KCNB2: variants seen among roughly 807,000 people sequenced by gnomAD.
The protein encoded by KCNB2 is potassium voltage-gated channel subfamily B member 2, also known as delayed rectifier potassium channel protein.
KCNB2 carries 15 observed loss-of-function variants against 61.5 expected under a neutral mutation model. The observed-to-expected ratio is 0.24, with a 90% CI of 0.16 to 0.38. The LOEUF (loss-of-function observed/expected upper bound fraction) is 0.38, where lower values mean the gene tolerates loss of function less well. KCNB2 is among the 10% of genes least tolerant of loss of function. The pLI, the probability that KCNB2 is intolerant of heterozygous loss-of-function variation, is 1.00. For synonymous variants in KCNB2, 457 were observed against 446.0 expected, an observed-to-expected ratio of 1.02 and a Z score of -0.31; for missense variants, 828 against 1,125.2, an observed-to-expected ratio of 0.74 and a Z score of 3.78.
At chr8:72,906,630 A>T (rs181006894) in intron 2 of KCNB2, among the ~76,000 whole-genome samples, 181 of 152,322 alleles carry the variant, frequency 1.2e-3, no homozygotes, top group Non-Finnish European at 2.0e-3. Context: ...AAAATAGAGA[A>T]TTGCATCGTA....
chr8:72,893,797 C>T (rs938767978), intron 2 of KCNB2, among the ~76,000 whole-genome samples: 1 of 152,074 alleles, frequency 6.6e-6, no homozygotes, highest in South Asian at 2.1e-4. Flanking sequence ...TGCTACATAG[C>T]CAGTGAACAG....
rs572580792 is a variant in KCNB2 at position 72,797,485 on chromosome 8, C to G, written c.580-138450C>G. ...GCTGCTCTCCCCACCCTAGAGGCCA[C>G]AAGAGTTTAGCTTTTACCTCCTGTC... On this transcript the variant is annotated intron_variant, in intron 2 of 2. Coordinates refer to ENST00000523207, the MANE Select transcript of KCNB2 (RefSeq NM_004770.3). Among the ~76,000 whole-genome samples the G allele has an allele frequency of 2.8e-4, 43 of 152,306 alleles. No individual in the cohort carries two copies. The East Asian group carries it at 7.7e-3, about 27-fold the overall frequency.
At chr8:72,750,402 T>C (rs1808168834) in intron 2 of KCNB2, 1 of 152,180 alleles carries the variant, frequency 6.6e-6, no homozygotes, top group African/African-American at 2.4e-5. Flanking sequence ...CTTATTATGC[T>C]CACCTGCACA....
intron 2 of KCNB2, among the ~76,000 whole-genome samples, chr8:72,919,646 C>A (rs543002745): frequency 6.6e-6 from 1 of 152,254 alleles, no homozygotes; most frequent in South Asian, 2.1e-4. Flanking sequence ...CTATCACTGA[C>A]AAACTGATTG....
Position 72,828,806 on chromosome 8 carries a change from C to T in KCNB2, c.580-107129C>T, listed in dbSNP as rs553885041. Among the ~76,000 whole-genome samples, 10 of 152,288 alleles carry T rather than the reference C, an allele frequency of 6.6e-5. No individual in the cohort carries two copies. In the South Asian group the frequency reaches 2.1e-3, roughly 32 times the overall value. ...TAAAAGTCCCAAAGTAAAACACACA[C>T]TAGTAGTAAGGCTAGTGCATTTCCC... On this transcript the variant is annotated intron_variant, in intron 2 of 2. Transcript: ENST00000523207.
chr8:72,874,415 G>C (rs1263616594), intron 2 of KCNB2, among the ~76,000 whole-genome samples: 1 of 152,128 alleles, frequency 6.6e-6, no homozygotes, highest in Non-Finnish European at 1.5e-5. Context: ...GGATTCACCA[G>C]CTGCAGCATC....
At chr8:72,788,271 G>A (rs986517734) in intron 2 of KCNB2, among the ~76,000 whole-genome samples, 21 of 152,278 alleles carry the variant, frequency 1.4e-4, no homozygotes, top group African/African-American at 4.1e-4. Flanking sequence ...ATTCTGGAGG[G>A]TGGAAGTCCA....
At chr8:72,909,907 G>A (rs1301657022) in intron 2 of KCNB2, among the ~76,000 whole-genome samples, 1 of 152,132 alleles carries the variant, frequency 6.6e-6, no homozygotes, top group Admixed American at 6.5e-5. Context: ...TTTGAGGTAT[G>A]TTTGAGTGAA....
At chr8:72,585,566 C>T (rs568243124) in intron 2 of KCNB2, among the ~76,000 whole-genome samples, 10 of 152,180 alleles carry the variant, frequency 6.6e-5, no homozygotes, top group Non-Finnish European at 1.2e-4. Flanking sequence ...CAGGGTCTCT[C>T]TATGTTACTC....
intron 2 of KCNB2, among the ~76,000 whole-genome samples, chr8:72,838,194 C>T (rs183151267): frequency 6.6e-6 from 1 of 152,140 alleles, no homozygotes; most frequent in Admixed American, 6.5e-5. Context: ...GTATATGTGC[C>T]ATGTTGGTTT....
chr8:72,561,803 A>ATATATT (rs2128978391), intron 1 of KCNB2, among the ~76,000 whole-genome samples: 1 of 125,836 alleles, frequency 7.9e-6, no homozygotes, highest in Non-Finnish European at 1.6e-5. Flanking sequence ...ATATATATAT[A>ATATATT]TGAATGATAG....
At chr8:72,737,813 C>T (rs2128994182) in intron 2 of KCNB2, among the ~76,000 whole-genome samples, 1 of 152,256 alleles carries the variant, frequency 6.6e-6, no homozygotes, top group Non-Finnish European at 1.5e-5. Flanking sequence ...TTCATGGTTA[C>T]AGAGCCTTTA....
At chr8:72,831,121 A>C (rs1014352123) in intron 2 of KCNB2, among the ~76,000 whole-genome samples, 1 of 152,234 alleles carries the variant, frequency 6.6e-6, no homozygotes, top group Non-Finnish European at 1.5e-5. Flanking sequence ...GTGGGTAGTC[A>C]TGCTGACTGG....
chr8:72,934,427 T>C (rs1378343738), intron 2 of KCNB2, among the ~76,000 whole-genome samples: 1 of 115,822 alleles, frequency 8.6e-6, no homozygotes, highest in Non-Finnish European at 1.7e-5. Flanking sequence ...AAAGGAGACA[T>C]AAGAGGAGAA....
At chr8:72,850,638 A>G (rs1459506221) in intron 2 of KCNB2, among the ~76,000 whole-genome samples, 1 of 152,190 alleles carries the variant, frequency 6.6e-6, no homozygotes, top group Non-Finnish European at 1.5e-5. Context: ...GGAGACTTTT[A>G]TGGGGTGTGG....
chr8:72,645,951 C>A (rs950528748), intron 2 of KCNB2, among the ~76,000 whole-genome samples: 2 of 152,104 alleles, frequency 1.3e-5, no homozygotes, highest in South Asian at 4.1e-4. Context: ...AGGCCACCTG[C>A]CACTGAAATG....
intron 2 of KCNB2, among the ~76,000 whole-genome samples, chr8:72,596,827 C>G (rs1446381186): frequency 6.6e-6 from 1 of 151,972 alleles, no homozygotes; most frequent in East Asian, 1.9e-4. Flanking sequence ...TTGGGGTTTT[C>G]CAAATATCAC....
chr8:72,693,161 C>G (rs184869559), intron 2 of KCNB2, among the ~76,000 whole-genome samples: 1 of 152,100 alleles, frequency 6.6e-6, no homozygotes. Flanking sequence ...TACCTTCTCT[C>G]GTTTGCTGCG....
intron 2 of KCNB2, chr8:72,661,422 A>G (rs1408629405): frequency 6.6e-6 from 1 of 152,166 alleles, no homozygotes; most frequent in Non-Finnish European, 1.5e-5. Flanking sequence ...ATCCAATTCC[A>G]CATGTCCTCA....
Sources: gnomAD v4.1 joint callset for allele counts (sites outside exome capture counted in the v4.1 genomes callset) on GRCh38, gnomAD v4.1.1 for gene constraint, MANE v1.5 for transcripts, NCBI Gene and HGNC (gene_info 2026-07-23, HGNC 2026-07-21) for gene names.